ADAMTS7: variants seen among roughly 807,000 people sequenced by gnomAD.
ADAMTS7 encodes the protein ADAM metallopeptidase with thrombospondin type 1 motif 7.
Under a neutral mutation model 172.6 loss-of-function variants are expected in ADAMTS7, and 89 were observed. The observed-to-expected ratio is 0.52, with a 90% CI of 0.43 to 0.61. The LOEUF (loss-of-function observed/expected upper bound fraction) is 0.61. Among genes scored for constraint, ADAMTS7 ranks in the 20% least tolerant of loss-of-function variants. The pLI is 0.00. For synonymous variants in ADAMTS7, 885 were observed against 978.4 expected (o/e 0.90, Z 1.78); for missense variants, 1,973 against 2,355.6 (o/e 0.84, Z 3.36).
intron 23 of ADAMTS7, 95 bp downstream of exon 23, chr15:78,762,308 A>T: frequency 7.7e-7 from 1 of 1,294,244 alleles, no homozygotes; most frequent in Non-Finnish European, 1.0e-6. Context: ...GGAACCAGCC[A>T]GTGCCGTGGG....
chr15:78,772,266 C>A (rs2055263702), intron 14 of ADAMTS7, among the ~76,000 whole-genome samples: 1 of 152,204 alleles, frequency 6.6e-6, no homozygotes, highest in Admixed American at 6.5e-5. Flanking sequence ...TGGGTAATGG[C>A]CCTATAGCAT....
At position 78,771,408 on chromosome 15, in the gene ADAMTS7, G is replaced by T; in HGVS notation, c.2377-105C>A. 6.3e-7 allele frequency: 1 copy of T among 1,575,722 alleles called. No individual in the cohort carries two copies. The highest frequency in any genetic ancestry group is 8.6e-7 in the Non-Finnish European group (1 of 1,158,726). On this transcript the variant is annotated intron_variant, in intron 15 of 23. Coordinates refer to ENST00000388820, the MANE Select transcript of ADAMTS7 (RefSeq NM_014272.5). This position sits in a 1 kb window ranked among gnomAD's most constrained non-coding sequence, Gnocchi z 4.9. Reference sequence around the variant, plus strand: ...CTCTGTGAACTGCAGCTACAAGATTGGGCCATTTTAAAGATGGGGAAACTG... The same window carrying T: ...CTCTGTGAACTGCAGCTACAAGATTTGGCCATTTTAAAGATGGGGAAACTG...
intron 23 of ADAMTS7, chr15:78,761,775 T>A: frequency 1.2e-6 from 1 of 839,522 alleles, no homozygotes; most frequent in South Asian, 5.4e-5. Flanking sequence ...CACGCACACA[T>A]GCTGGAGGCG....
chr15:78,811,121 C>T lies in ADAMTS7; in HGVS notation c.100G>A (p.Gly34Arg). The T allele has an allele frequency of 8.1e-7, 1 of 1,230,488 alleles. No individual in the cohort carries two copies. The highest frequency in any genetic ancestry group is 1.0e-6 in the Non-Finnish European group (1 of 987,106). 76.2% of individuals were successfully genotyped at this position (1,230,488 alleles called of 1,614,324 possible). A position where few individuals can be genotyped will look rare whatever the true frequency, so the allele number is the denominator to read the frequency against. ...LAPGAPGPAP[G>R]RATEGRAALD... is the part of the protein sequence containing the mutation. ...TGGCCGGGGAGGGGCGGACACCCACCTGGTGCGGGTCCGGGGGCGCCGGGA... is the reference window on the plus strand; with the variant it reads ...TGGCCGGGGAGGGGCGGACACCCACTTGGTGCGGGTCCGGGGGCGCCGGGA... The change falls in exon 1 of 24, where the codon GGA (glycine) becomes AGA (arginine). Residue 34 changes from glycine (G) to arginine (R), a missense_variant and splice_region_variant. Coordinates refer to ENST00000388820, the MANE Select transcript of ADAMTS7 (RefSeq NM_014272.5).
At chr15:78,760,698 C>T (rs1041889014) in intron 23 of ADAMTS7, among the ~76,000 whole-genome samples, 10 of 152,210 alleles carry the variant, frequency 6.6e-5, no homozygotes, top group Non-Finnish European at 1.2e-4. Context: ...CGCCAACTGT[C>T]CCACAGACCA....
intron 22 of ADAMTS7, among the ~76,000 whole-genome samples, chr15:78,762,844 C>T (rs997436261): frequency 2.6e-5 from 4 of 152,208 alleles, no homozygotes; most frequent in Admixed American, 6.5e-5. Context: ...GCCCCTCACA[C>T]AGGACATGCC....
At chr15:78,802,361 C>T (rs906467689) in intron 1 of ADAMTS7, among the ~76,000 whole-genome samples, 4 of 152,158 alleles carry the variant, frequency 2.6e-5, no homozygotes, top group African/African-American at 7.2e-5. Flanking sequence ...ATTAGCCTGA[C>T]GGATTTAAAA....
rs961521957 is a variant in ADAMTS7 at position 78,776,527 on chromosome 15, C to T, written c.1561-194G>A. The T allele has an allele frequency of 4.0e-5, 35 of 876,116 alleles. No homozygotes were observed. The African/African-American group carries it at 5.3e-4, about 13-fold the overall frequency. The allele number at this position is 876,116 out of a possible 1,614,324, so 54.3% of individuals were successfully genotyped here. A position where few individuals can be genotyped will look rare whatever the true frequency, so the allele number is the denominator to read the frequency against. On this transcript the variant is annotated intron_variant, in intron 10 of 23. Coordinates refer to ENST00000388820, the MANE Select transcript of ADAMTS7 (RefSeq NM_014272.5). The stretch of plus-strand genomic sequence containing the variant: ...TGGAGGAGCTGAGCGGGGAGTAAAA[C>T]AGCCCACATGCTGACTCAGCTGAAG...
intron 10 of ADAMTS7, 52 bp from the exon 11 acceptor site, chr15:78,776,385 TC>T: frequency 2.5e-6 from 4 of 1,585,244 alleles, no homozygotes; most frequent in Non-Finnish European, 3.4e-6. Context: ...CTATCAGTCA[TC>T]CTCACCCTAG....
chr15:78,787,701 C>T (rs1377077414), intron 8 of ADAMTS7, among the ~76,000 whole-genome samples: 2 of 152,164 alleles, frequency 1.3e-5, no homozygotes, highest in Admixed American at 6.6e-5. Context: ...AACACCAGAA[C>T]AAATGAAGAG....
chr15:78,790,416 T>C (rs1298604588), intron 6 of ADAMTS7, among the ~76,000 whole-genome samples: 1 of 152,176 alleles, frequency 6.6e-6, no homozygotes, highest in Non-Finnish European at 1.5e-5. Flanking sequence ...ATGTTACCAC[T>C]GGGGGAAATG....
At chr15:78,762,984 G>A (rs553890295) in intron 22 of ADAMTS7, among the ~76,000 whole-genome samples, 1 of 152,346 alleles carries the variant, frequency 6.6e-6, no homozygotes, top group East Asian at 1.9e-4. Context: ...GAGGGCAGGA[G>A]ACAGTTTCAC....
intron 13 of ADAMTS7, among the ~76,000 whole-genome samples, chr15:78,773,853 G>A (rs541683018): frequency 5.3e-5 from 8 of 152,360 alleles, no homozygotes; most frequent in African/African-American, 1.4e-4. Context: ...CCTGAGCTCC[G>A]GTTTCCTGGC....
chr15:78,763,635 A>G, intron 22 of ADAMTS7, 64 bp downstream of exon 22: 2 of 1,478,732 alleles, frequency 1.4e-6, no homozygotes, highest in Non-Finnish European at 1.8e-6. Context: ...TCCTTCACCC[A>G]ACCCAAGACT....
intron 1 of ADAMTS7, among the ~76,000 whole-genome samples, chr15:78,806,377 T>TG (rs1394673412): frequency 4.6e-5 from 7 of 151,888 alleles, no homozygotes. Context: ...CTCAGAGAAG[T>TG]GGGGAAAAGC....
chr15:78,765,868 G>C lies in ADAMTS7; in HGVS notation c.4043C>G (p.Pro1348Arg). Residue 1348 changes from proline to arginine, a missense_variant, in exon 19 of 24, where the codon CCT becomes CGT. Coordinates refer to ENST00000388820, the MANE Select transcript of ADAMTS7 (RefSeq NM_014272.5). ...PTTLTGLGHM[P>R]EPALNPGPKG... ...GGGTCCTGGGTTCAGGGCAGGCTCA[G>C]GCATGTGCCCGAGGCCAGTCAGGGT... 1 of 1,569,822 alleles carries C rather than the reference G, an allele frequency of 6.4e-7. No individual in the cohort carries two copies. Among genetic ancestry groups the C allele is most frequent in the Non-Finnish European group, 8.6e-7 (1 of 1,157,320 alleles).
Position 78,800,336 on chromosome 15 carries a change from G to A in ADAMTS7, c.312C>T (p.Pro104=), listed in dbSNP as rs1347931997. The A allele has an allele frequency of 2.5e-6, 4 of 1,601,288 alleles. No individual in the cohort carries two copies. The highest frequency in any genetic ancestry group is 3.4e-6 in the Non-Finnish European group (4 of 1,175,870). Residue 104 remains proline, a synonymous_variant, in exon 2 of 24, where the codon CCC becomes CCT. Transcript: ENST00000388820. ...GCCGCCGCGTCTCGCTCACAAAGCC[G>A]GGCGCCAGCAGGTGCTGATTGGCGG... ...NLTANQHLLA[P]GFVSETRRRG...
intron 4 of ADAMTS7, among the ~76,000 whole-genome samples, chr15:78,792,718 C>T: frequency 6.6e-6 from 1 of 152,144 alleles, no homozygotes. Flanking sequence ...GAGGCTGAGG[C>T]AGGAGAATCA....
intron 19 of ADAMTS7, among the ~76,000 whole-genome samples, chr15:78,765,310 G>A (rs2055121208): frequency 6.6e-6 from 1 of 152,278 alleles, no homozygotes; most frequent in Non-Finnish European, 1.5e-5. Context: ...CCAGCCTGGA[G>A]AAGCCAGGTC....
Sources: allele counts gnomAD v4.1 joint callset (sites outside exome capture counted in the v4.1 genomes callset), GRCh38; gene constraint gnomAD v4.1.1; non-coding constraint Gnocchi (gnomAD v3.1); transcripts MANE v1.5; gene names NCBI Gene and HGNC (gene_info 2026-07-23, HGNC 2026-07-21).